ANKS1B: variants seen among roughly 807,000 people sequenced by gnomAD.
ANKS1B encodes ankyrin repeat and sterile alpha motif domain-containing protein 1B.
In ANKS1B, 36 loss-of-function variants were observed where a neutral mutation model predicts 148.3. The ratio of observed to expected loss-of-function variants is 0.24; its 90% CI spans 0.19 to 0.32. The LOEUF is 0.32. Ranked by LOEUF, ANKS1B falls within the 10% of genes least tolerant of loss-of-function variation. ANKS1B has a pLI of 1.00. For synonymous variants in ANKS1B, 542 were observed against 560.8 expected (o/e 0.97, Z 0.47); for missense variants, 1,157 against 1,542.6 (o/e 0.75, Z 4.19).
At chr12:98,859,848 A>G (rs919657682) in intron 17 of ANKS1B, among the ~76,000 whole-genome samples, 2 of 152,332 alleles carry the variant, frequency 1.3e-5, no homozygotes, top group African/African-American at 4.8e-5. Context: ...AGTCTTGCTC[A>G]TATTTGAGTC....
At chr12:99,892,816 C>T (rs2093181977) in intron 1 of ANKS1B, among the ~76,000 whole-genome samples, 1 of 152,054 alleles carries the variant, frequency 6.6e-6, no homozygotes, top group Non-Finnish European at 1.5e-5. Context: ...AGGGTGGGGA[C>T]AAAATACTAA....
chr12:99,355,077 T>A (rs920936842), intron 12 of ANKS1B, among the ~76,000 whole-genome samples: 4 of 152,288 alleles, frequency 2.6e-5, no homozygotes, highest in Middle Eastern at 3.4e-3. Flanking sequence ...CAATATAATA[T>A]GCCAAATGTT....
At chr12:98,962,025 G>A (rs924536666) in intron 17 of ANKS1B, among the ~76,000 whole-genome samples, 10 of 151,188 alleles carry the variant, frequency 6.6e-5, no homozygotes, top group African/African-American at 9.7e-5. Context: ...AGAGAAGACC[G>A]CAAAACAACC....
At chr12:99,332,929 CAG>C (rs1447055689) in intron 12 of ANKS1B, among the ~76,000 whole-genome samples, 11 of 151,744 alleles carry the variant, frequency 7.2e-5, no homozygotes, top group Non-Finnish European at 1.6e-4. Flanking sequence ...GAGAGCTTGA[CAG>C]GGGCCAGATT....
intron 17 of ANKS1B, among the ~76,000 whole-genome samples, chr12:98,945,812 A>G (rs1193901665): frequency 6.6e-6 from 1 of 152,230 alleles, no homozygotes; most frequent in African/African-American, 2.4e-5. Context: ...AATAAATCAT[A>G]AAGCTCATGT....
At chr12:99,901,279 T>C (rs1333756669) in intron 1 of ANKS1B, among the ~76,000 whole-genome samples, 1 of 152,162 alleles carries the variant, frequency 6.6e-6, no homozygotes, top group African/African-American at 2.4e-5. Flanking sequence ...ACCCATGATT[T>C]CACATCTATT....
chr12:99,237,153 C>T (rs1244781964), intron 14 of ANKS1B, among the ~76,000 whole-genome samples: 1 of 152,116 alleles, frequency 6.6e-6, no homozygotes, highest in African/African-American at 2.4e-5. Flanking sequence ...TCTTTCATAA[C>T]TTTTCAAATA....
At chr12:99,719,068 A>G (rs545999430) in intron 8 of ANKS1B, among the ~76,000 whole-genome samples, 121 of 152,318 alleles carry the variant, frequency 7.9e-4, no homozygotes, top group African/African-American at 2.9e-3. Context: ...CTTACAGAAG[A>G]GCCAGGACTG....
At chr12:99,958,469 ACCTC>A (rs1214932785) in intron 1 of ANKS1B, among the ~76,000 whole-genome samples, 2 of 152,042 alleles carry the variant, frequency 1.3e-5, no homozygotes, top group African/African-American at 4.8e-5. Context: ...TACAGCCTCA[ACCTC>A]CTGGGCTCAA....
intron 17 of ANKS1B, among the ~76,000 whole-genome samples, chr12:98,993,795 A>G (rs2099928008): frequency 1.3e-5 from 2 of 152,108 alleles, no homozygotes; most frequent in African/African-American, 4.8e-5. Context: ...AATACTTTCA[A>G]CTCTGTTTAA....
chr12:98,818,530 A>G (rs923203637), intron 19 of ANKS1B, among the ~76,000 whole-genome samples: 2 of 152,162 alleles, frequency 1.3e-5, no homozygotes, highest in Non-Finnish European at 2.9e-5. Flanking sequence ...GTCAATTGGG[A>G]TCATGCTGTT....
chr12:99,982,793 A>G (rs1284144289), intron 1 of ANKS1B, among the ~76,000 whole-genome samples: 1 of 152,244 alleles, frequency 6.6e-6, no homozygotes, highest in Non-Finnish European at 1.5e-5. Flanking sequence ...GACATGAACT[A>G]TCATTCCAAT....
chr12:98,903,201 A>T (rs1271547084), intron 17 of ANKS1B, among the ~76,000 whole-genome samples: 2 of 152,074 alleles, frequency 1.3e-5, no homozygotes, highest in Non-Finnish European at 2.9e-5. Context: ...AATATGGCTG[A>T]TGGCCATTGT....
intron 12 of ANKS1B, among the ~76,000 whole-genome samples, chr12:99,323,229 A>G (rs925062504): frequency 1.3e-5 from 2 of 152,138 alleles, no homozygotes; most frequent in Admixed American, 6.6e-5. Context: ...TTTGAGCCCT[A>G]CCTATTTCTA....
At chr12:99,641,495 C>T (rs1272790224) in intron 9 of ANKS1B, among the ~76,000 whole-genome samples, 1 of 152,086 alleles carries the variant, frequency 6.6e-6, no homozygotes, top group African/African-American at 2.4e-5. Flanking sequence ...TTGCTTACTG[C>T]TCTATGCCAC....
chr12:99,968,817 T>A (rs1266330088), intron 1 of ANKS1B, among the ~76,000 whole-genome samples: 1 of 152,048 alleles, frequency 6.6e-6, no homozygotes, highest in African/African-American at 2.4e-5. Context: ...CAAATTTACA[T>A]GAAATCTGGT....
chr12:99,509,453 A>G (rs945755177), intron 9 of ANKS1B, among the ~76,000 whole-genome samples: 1 of 151,940 alleles, frequency 6.6e-6, no homozygotes, highest in Admixed American at 6.6e-5. Context: ...AAACAGTCTT[A>G]TTGCTGATAT....
intron 14 of ANKS1B, among the ~76,000 whole-genome samples, chr12:99,217,369 C>G (rs2084377305): frequency 6.6e-6 from 1 of 151,946 alleles, no homozygotes; most frequent in East Asian, 1.9e-4. Context: ...TAGTCCTCCT[C>G]CCTGGTGAAT....
At chr12:98,840,098 G>A (rs1364687596) in intron 17 of ANKS1B, among the ~76,000 whole-genome samples, 1 of 152,078 alleles carries the variant, frequency 6.6e-6, no homozygotes, top group African/African-American at 2.4e-5. Context: ...ATGAAGCAGG[G>A]GAGATGTCTC....
Sources: allele counts gnomAD v4.1 joint callset (sites outside exome capture counted in the v4.1 genomes callset), GRCh38; gene constraint gnomAD v4.1.1; transcripts MANE v1.5; gene names NCBI Gene and HGNC (gene_info 2026-07-23, HGNC 2026-07-21).